SPATA6: variants seen among roughly 807,000 people sequenced by gnomAD.
SPATA6 encodes the protein spermatogenesis-associated protein 6.
SPATA6 carries 56 observed loss-of-function variants against 65.3 expected under a neutral mutation model. The ratio of observed to expected loss-of-function variants is 0.86; its 90% confidence interval spans 0.69 to 1.07. The LOEUF is 1.07. SPATA6 is among the 50% of genes least tolerant of loss of function. The pLI is 0.00. For synonymous variants in SPATA6, 199 were observed against 213.2 expected, an observed-to-expected ratio of 0.93 and a Z score of 0.58; for missense variants, 590 against 594.8, an observed-to-expected ratio of 0.99 and a Z score of 0.08.
chr1:48,310,335 C>T lies in SPATA6; in HGVS notation c.1195-4457G>A, dbSNP rs528375524. Among the ~76,000 whole-genome samples the T allele has an allele frequency of 2.8e-3, 429 of 152,314 alleles. 1 individual carries two copies. Among genetic ancestry groups the T allele is most frequent in the African/African-American group, 0.01 (417 of 41,574 alleles). On this transcript the variant is annotated intron_variant, in intron 11 of 12. Coordinates refer to ENST00000371847, the MANE Select transcript of SPATA6 (RefSeq NM_019073.4). Reference sequence around the variant, plus strand: ...AAGAAATCCTAACTTTATTTTACCTCTAACAGTGCCTGCCAAAATTTTGGT... The same window carrying T: ...AAGAAATCCTAACTTTATTTTACCTTTAACAGTGCCTGCCAAAATTTTGGT...
chr1:48,350,339 C>A (rs1646482742), intron 11 of SPATA6, among the ~76,000 whole-genome samples: 1 of 150,104 alleles, frequency 6.7e-6, no homozygotes, highest in Non-Finnish European at 1.5e-5. Flanking sequence ...CAAGTCCTAA[C>A]TCATATATGT....
chr1:48,341,254 CT>C (rs1225700381), intron 11 of SPATA6, among the ~76,000 whole-genome samples: 1 of 152,122 alleles, frequency 6.6e-6, no homozygotes, highest in Non-Finnish European at 1.5e-5. Context: ...AGTAGTACCC[CT>C]AATCATCAGT....
At chr1:48,370,718 T>C (rs1647213551) in intron 9 of SPATA6, among the ~76,000 whole-genome samples, 1 of 152,244 alleles carries the variant, frequency 6.6e-6, no homozygotes, top group Non-Finnish European at 1.5e-5. Flanking sequence ...TTATTATCTG[T>C]ACTTTATTGG....
chr1:48,381,859 G>A (rs1339396847), intron 9 of SPATA6, among the ~76,000 whole-genome samples: 5 of 142,868 alleles, frequency 3.5e-5, no homozygotes, highest in East Asian at 4.0e-4. Flanking sequence ...TTGGCCTTCC[G>A]CAGTGTTTGT....
intron 1 of SPATA6, among the ~76,000 whole-genome samples, chr1:48,457,262 T>C (rs1358871323): frequency 6.6e-6 from 1 of 151,674 alleles, no homozygotes; most frequent in Admixed American, 6.6e-5. Context: ...CGAAACCCCA[T>C]CTCTACTAAA....
chr1:48,300,107 C>A (rs546350952), intron 12 of SPATA6, among the ~76,000 whole-genome samples: 1 of 152,066 alleles, frequency 6.6e-6, no homozygotes, highest in Non-Finnish European at 1.5e-5. Flanking sequence ...TAAGACTGGG[C>A]TAGCTGTGAT....
At chr1:48,286,079 T>TA in the SPATA6 span, among the ~76,000 whole-genome samples, 1 of 152,238 alleles carries the variant, frequency 6.6e-6, no homozygotes, top group Non-Finnish European at 1.5e-5. Context: ...TATAGCTTTG[T>TA]AATAAAATTT....
At chr1:48,471,055 G>C (rs1658200101) in intron 1 of SPATA6, among the ~76,000 whole-genome samples, 1 of 152,124 alleles carries the variant, frequency 6.6e-6, no homozygotes. Context: ...GAATGAGAGG[G>C]TTCTCTAAAG....
At chr1:48,357,765 C>T (rs928611006) in intron 10 of SPATA6, among the ~76,000 whole-genome samples, 3 of 152,016 alleles carry the variant, frequency 2.0e-5, no homozygotes, top group Non-Finnish European at 4.4e-5. Context: ...CCCAGTAGTA[C>T]GTCTTAGACA....
At chr1:48,381,949 C>T (rs1243197373) in intron 9 of SPATA6, among the ~76,000 whole-genome samples, 26 of 117,284 alleles carry the variant, frequency 2.2e-4, no homozygotes, top group South Asian at 9.9e-4. Context: ...TAACAAAGCA[C>T]ATCTTGCACC....
At chr1:48,312,127 C>A (rs1645233946) in intron 11 of SPATA6, among the ~76,000 whole-genome samples, 1 of 152,228 alleles carries the variant, frequency 6.6e-6, no homozygotes, top group South Asian at 2.1e-4. Flanking sequence ...ACTGTAGACT[C>A]CACCTCTGGG....
chr1:48,277,220 C>T, the SPATA6 span, among the ~76,000 whole-genome samples: 43 of 151,940 alleles, frequency 2.8e-4, no homozygotes, highest in African/African-American at 7.2e-4. Context: ...AAATAGGAAC[C>T]GCTCCGGTCT....
chr1:48,273,161 T>C, the SPATA6 span, among the ~76,000 whole-genome samples: 4 of 152,200 alleles, frequency 2.6e-5, no homozygotes, highest in African/African-American at 9.7e-5. Context: ...TGTCCTTTTG[T>C]TATCATATCC....
At chr1:48,377,520 C>T (rs948476169) in intron 9 of SPATA6, among the ~76,000 whole-genome samples, 16 of 152,122 alleles carry the variant, frequency 1.1e-4, no homozygotes, top group Admixed American at 7.2e-4. Context: ...TTCCATTCTC[C>T]TCAACCAGGT....
the SPATA6 span, among the ~76,000 whole-genome samples, chr1:48,281,438 T>C: frequency 6.6e-6 from 1 of 152,074 alleles, no homozygotes; most frequent in African/African-American, 2.4e-5. Flanking sequence ...GAAAACGCCA[T>C]CGTCTCAGCC....
chr1:48,459,204 C>CA (rs35079974), intron 1 of SPATA6, among the ~76,000 whole-genome samples: 32,200 of 66,464 alleles, frequency 0.48, 6,638 homozygotes, highest in African/African-American at 0.6. Flanking sequence ...GACTCCATAT[C>CA]AAAAAAAAAA....
chr1:48,401,105 T>G (rs1283421231), intron 6 of SPATA6, among the ~76,000 whole-genome samples: 2 of 152,074 alleles, frequency 1.3e-5, no homozygotes, highest in Non-Finnish European at 2.9e-5. Flanking sequence ...AATCCCTTGC[T>G]GACCAAAACC....
At chr1:48,280,095 C>T in the SPATA6 span, among the ~76,000 whole-genome samples, 4 of 151,476 alleles carry the variant, frequency 2.6e-5, no homozygotes, top group African/African-American at 7.2e-5. Context: ...GGGTACATAA[C>T]GAAATGAAGG....
At chr1:48,450,389 A>T (rs1272124169) in intron 3 of SPATA6, among the ~76,000 whole-genome samples, 2 of 152,056 alleles carry the variant, frequency 1.3e-5, no homozygotes, top group Non-Finnish European at 2.9e-5. Context: ...TTTCCAAAAA[A>T]TAATAACCAC....
Sources: gnomAD v4.1 joint callset for allele counts (sites outside exome capture counted in the v4.1 genomes callset) on GRCh38, gnomAD v4.1.1 for gene constraint, MANE v1.5 for transcripts, NCBI Gene and HGNC (gene_info 2026-07-23, HGNC 2026-07-21) for gene names.